The following TACC2 variants were observed in gnomAD, a reference collection of about 807,000 sequenced individuals.
The protein encoded by TACC2 is transforming acidic coiled-coil-containing protein 2.
Under a neutral mutation model 227.3 loss-of-function variants are expected in TACC2, and 137 were observed. The observed-to-expected ratio is 0.60, with a 90% CI of 0.52 to 0.69. The LOEUF (loss-of-function observed/expected upper bound fraction) is 0.69. Ranked by LOEUF, TACC2 falls within the 30% of genes least tolerant of loss-of-function variation. The pLI is 0.00. For synonymous variants in TACC2, 1,523 were observed against 1,487.5 expected (o/e 1.02, Z -0.55); for missense variants, 3,470 against 3,694.4 (o/e 0.94, Z 1.57).
Position 122,087,329 on chromosome 10 carries a change from A to G in TACC2, c.4829A>G (p.His1610Arg), listed in dbSNP as rs148498917. 10 of 1,614,034 alleles carry G rather than the reference A, an allele frequency of 6.2e-6. No individual in the cohort carries two copies. Among genetic ancestry groups the G allele is most frequent in the South Asian group, 1.1e-5 (1 of 91,090 alleles). The change falls in exon 4 of 23, where the codon CAT becomes CGT. Residue 1610 changes from histidine (H) to arginine (R), a missense_variant. By Grantham distance (29) the His-to-Arg change is conservative. Coordinates refer to ENST00000369005, the MANE Select transcript of TACC2 (RefSeq NM_206862.4). Reference sequence around the variant, plus strand: ...GAAACATCTGCCTGCGACAGTCCACATGGAGAAGATGGTCCCGGGGACTTT... The same window carrying G: ...GAAACATCTGCCTGCGACAGTCCACGTGGAGAAGATGGTCCCGGGGACTTT... ...HQETSACDSP[H>R]GEDGPGDFAH... is the part of the protein sequence containing the mutation.
intron 1 of TACC2, among the ~76,000 whole-genome samples, chr10:122,012,781 C>G (rs1040327373): frequency 6.6e-6 from 1 of 151,726 alleles, no homozygotes; most frequent in African/African-American, 2.4e-5. Context: ...GGAGGGGGCT[C>G]CAGGTGGCTG....
intron 2 of TACC2, among the ~76,000 whole-genome samples, chr10:122,046,431 G>A (rs1223527064): frequency 1.3e-5 from 2 of 151,964 alleles, no homozygotes; most frequent in Non-Finnish European, 2.9e-5. Context: ...CCAAGATCTC[G>A]CCACTGCACT....
At position 122,053,817 on chromosome 10, in the gene TACC2, C is replaced by T. The variant is rs371258448; in HGVS notation, c.146+3267C>T. Among the ~76,000 whole-genome samples the T allele has an allele frequency of 1.1e-4, 16 of 152,292 alleles. No homozygotes were observed. The South Asian group carries it at 3.1e-3, about 30-fold the overall frequency. ...GGCCTCATTGGACAACCAGCATTTT[C>T]TCTTCAAAGGATGTAAGTTTTTACA... is the stretch of plus-strand genomic sequence containing the variant. On this transcript the variant is annotated intron_variant, in intron 3 of 22. Coordinates refer to ENST00000369005, the MANE Select transcript of TACC2 (RefSeq NM_206862.4).
intron 1 of TACC2, among the ~76,000 whole-genome samples, chr10:121,997,004 G>A (rs1953594046): frequency 1.3e-5 from 2 of 151,986 alleles, no homozygotes; most frequent in African/African-American, 4.8e-5. Flanking sequence ...AGGAGAAAGA[G>A]AGTGGGATTT....
intron 1 of TACC2, among the ~76,000 whole-genome samples, chr10:122,021,538 A>G (rs1470114167): frequency 6.6e-6 from 1 of 152,224 alleles, no homozygotes. Context: ...GAAACCAGCC[A>G]CACTCTGAAT....
At chr10:122,184,885 T>G (rs1416843148) in intron 7 of TACC2, among the ~76,000 whole-genome samples, 1 of 152,162 alleles carries the variant, frequency 6.6e-6, no homozygotes, top group Non-Finnish European at 1.5e-5. Flanking sequence ...AGCCATTATG[T>G]TACTGAGGGG....
rs777232638 is a variant in TACC2 at position 122,210,560 on chromosome 10, T to TGTG, written c.6137_6139dup (p.Val2046dup). On this transcript the variant is annotated inframe_insertion, in exon 9 of 23. Coordinates refer to ENST00000369005, the MANE Select transcript of TACC2 (RefSeq NM_206862.4). The surrounding 1 kb of genome is among the most constrained non-coding windows in gnomAD (Gnocchi z 4.6). ...ACTTGGACTTTGACAACATTGAGCT[T>TGTG]GTGGATACCTTTCAGACCTTGGAGC... is the stretch of plus-strand genomic sequence containing the variant. 6.2e-7 allele frequency: 1 copy of TGTG among 1,614,070 alleles called. No individual in the cohort carries two copies. Among genetic ancestry groups the TGTG allele is most frequent in the Non-Finnish European group, 8.5e-7 (1 of 1,179,986 alleles).
At chr10:122,039,172 C>T (rs1371024298) in intron 2 of TACC2, among the ~76,000 whole-genome samples, 1 of 152,126 alleles carries the variant, frequency 6.6e-6, no homozygotes, top group Non-Finnish European at 1.5e-5. Flanking sequence ...GATGGGGTTT[C>T]ACCATGTTGG....
chr10:122,143,173 G>A (rs2090884942), intron 6 of TACC2, among the ~76,000 whole-genome samples: 1 of 152,198 alleles, frequency 6.6e-6, no homozygotes, highest in Non-Finnish European at 1.5e-5. Context: ...AATTTGTAAA[G>A]TTGTATTTTA....
chr10:122,200,226 G>A (rs1256887475), intron 8 of TACC2, among the ~76,000 whole-genome samples: 2 of 152,236 alleles, frequency 1.3e-5, no homozygotes, highest in African/African-American at 4.8e-5. Flanking sequence ...GCACCTGGGG[G>A]CCCTGGCCAT....
intron 8 of TACC2, among the ~76,000 whole-genome samples, chr10:122,200,076 T>C (rs1474318113): frequency 2.0e-5 from 3 of 152,262 alleles, no homozygotes; most frequent in Non-Finnish European, 4.4e-5. Context: ...TTTTCAGGCC[T>C]GGATCTGGCT....
At chr10:122,100,426 C>CTTT (rs1219805294) in intron 5 of TACC2, among the ~76,000 whole-genome samples, 2 of 141,278 alleles carry the variant, frequency 1.4e-5, no homozygotes, top group Admixed American at 7.1e-5. Context: ...TCTTCTCTTC[C>CTTT]TTTTTTTTTT....
At chr10:122,076,306 A>G (rs947361625) in intron 3 of TACC2, among the ~76,000 whole-genome samples, 1 of 152,156 alleles carries the variant, frequency 6.6e-6, no homozygotes, top group African/African-American at 2.4e-5. Flanking sequence ...GGATTAACCT[A>G]TTCCTGAGGG....
chr10:122,247,259 C>T (rs932171664), intron 19 of TACC2: 3 of 152,238 alleles, frequency 2.0e-5, no homozygotes, highest in Admixed American at 6.5e-5. Flanking sequence ...TCAGCGCTGG[C>T]TCCCGTTGTT....
intron 11 of TACC2, among the ~76,000 whole-genome samples, chr10:122,219,980 A>G (rs1302454353): frequency 2.0e-5 from 3 of 151,812 alleles, no homozygotes; most frequent in Admixed American, 6.6e-5. Context: ...GGAGGTTGCA[A>G]TGAGCCAAGA....
intron 8 of TACC2, among the ~76,000 whole-genome samples, chr10:122,200,190 A>G (rs2094735556): frequency 6.6e-6 from 1 of 152,204 alleles, no homozygotes; most frequent in African/African-American, 2.4e-5. Context: ...GGAGATTCTG[A>G]TGCAGTCCAG....
chr10:122,184,541 C>G (rs1468441095), intron 7 of TACC2, among the ~76,000 whole-genome samples: 1 of 152,202 alleles, frequency 6.6e-6, no homozygotes, highest in African/African-American at 2.4e-5. Context: ...ACCCCTGCGT[C>G]CCCAGCAGTG....
rs2080347951 is a variant in TACC2, at chr10:122,088,587, G to C, written c.5569G>C (p.Glu1857Gln). 6.2e-7 allele frequency: 1 copy of C among 1,612,592 alleles called. No individual in the cohort carries two copies. Among genetic ancestry groups the C allele is most frequent in the South Asian group, 1.1e-5 (1 of 90,622 alleles). ...SDETRGAEGT[E>Q]SSPVADDIIQ... ...TGAGACCAGAGGTGCGGAAGGAACA[G>C]AAAGGTCAGCGAAAGATATTGGTCT... is the stretch of plus-strand genomic sequence containing the variant. Residue 1857 changes from glutamate (E) to glutamine (Q), a missense_variant, in exon 5 of 23, where the codon GAA (glutamate) becomes CAA (glutamine). By Grantham distance (29) the Glu-to-Gln change is conservative. This residue lies in a region of TACC2 where 1,924 missense variants were observed against 1,978.3 expected (regional missense o/e 0.97). Coordinates refer to ENST00000369005, the MANE Select transcript of TACC2 (RefSeq NM_206862.4).
At chr10:122,230,544 G>T in intron 16 of TACC2, 104 bp downstream of exon 16, 1 of 1,030,350 alleles carries the variant, frequency 9.7e-7, no homozygotes, top group Non-Finnish European at 1.5e-6. Context: ...CATCATCGGT[G>T]TCCAGCAAAG....
Sources: gnomAD v4.1 joint callset for allele counts (sites outside exome capture counted in the v4.1 genomes callset) on GRCh38, gnomAD v4.1.1 for gene constraint, gnomAD v4.1.1 regional missense constraint, Gnocchi (gnomAD v3.1) non-coding constraint, MANE v1.5 for transcripts, NCBI Gene and HGNC (gene_info 2026-07-23, HGNC 2026-07-21) for gene names.